Variants in FBN3 observed in about 807,000 individuals in gnomAD.
FBN3 encodes the protein fibrillin 3, also known as fibrillin-3.
In FBN3, 234 loss-of-function variants were observed where a neutral mutation model predicts 330.1. That is an observed-to-expected ratio of 0.71 (90% confidence interval 0.64 to 0.79). The LOEUF (loss-of-function observed/expected upper bound fraction) is 0.79, where lower values mean the gene tolerates loss of function less well. FBN3 is among the 30% of genes least tolerant of loss of function. FBN3 has a pLI of 0.00. For missense variants in FBN3, 3,606 were observed against 3,886.9 expected (o/e 0.93, Z 1.92); for synonymous variants, 1,458 against 1,517.3 (o/e 0.96, Z 0.91).
In FBN3 at chr19:8,118,908, G is replaced by A. The variant is rs1159079923; in HGVS notation, c.3326C>T (p.Thr1109Ile). ...PPGHELTAKG[T>I]ACEDIDECSL... Reference sequence around the variant, plus strand: ...AGATGCACACTTACCCTCACAGGCAGTGCCCTTGGCCGTCAGCTCATGCCC... The same window carrying A: ...AGATGCACACTTACCCTCACAGGCAATGCCCTTGGCCGTCAGCTCATGCCC... Residue 1109 changes from threonine to isoleucine, a missense_variant, in exon 26 of 64, where the codon ACT becomes ATT. Coordinates refer to ENST00000600128, the MANE Select transcript of FBN3 (RefSeq NM_032447.5). The A allele has an allele frequency of 1.1e-5, 18 of 1,611,160 alleles. No homozygotes were observed. The highest frequency in any genetic ancestry group is 2.7e-5 in the African/African-American group (2 of 74,888).
intron 8 of FBN3, among the ~76,000 whole-genome samples, chr19:8,140,244 A>T (rs1599442445): frequency 6.6e-6 from 1 of 152,286 alleles, no homozygotes; most frequent in Non-Finnish European, 1.5e-5. Context: ...CGGGTGGATC[A>T]CCTGAGGTCA....
intron 20 of FBN3, 42 bp downstream of exon 20, chr19:8,126,426 C>A: frequency 6.3e-7 from 1 of 1,598,956 alleles, no homozygotes; most frequent in South Asian, 1.1e-5. Context: ...CCATGGAGGG[C>A]TTTTCCCATG....
chr19:8,123,734 C>T (rs768339323), intron 23 of FBN3, 50 bp downstream of exon 23: 15 of 1,600,786 alleles, frequency 9.4e-6, no homozygotes, highest in African/African-American at 1.3e-5. Context: ...TTTGCCTATG[C>T]CGTGCCCCTC....
chr19:8,087,075 A>G lies in FBN3; in HGVS notation c.6754+2T>C. On this transcript the variant is annotated splice_donor_variant, in intron 54 of 63. Coordinates refer to ENST00000600128, the MANE Select transcript of FBN3 (RefSeq NM_032447.5). LOFTEE classifies it high-confidence loss of function. ...CACCCATGAAGCTCCAGTGCCCCAT[A>G]CCTGTGCAGCCCTCCCCAGAGCCAG... 6.2e-7 allele frequency: 1 copy of G among 1,605,932 alleles called. No individual in the cohort carries two copies. The highest frequency in any genetic ancestry group is 8.5e-7 in the Non-Finnish European group (1 of 1,178,622).
At chr19:8,081,315 T>G in intron 58 of FBN3, 43 bp downstream of exon 58, 1 of 1,570,690 alleles carries the variant, frequency 6.4e-7, no homozygotes, top group Non-Finnish European at 8.6e-7. Context: ...GGCCCTAGAC[T>G]GCATGCAGTG....
At chr19:8,137,060 T>C (rs773205703) in intron 10 of FBN3, among the ~76,000 whole-genome samples, 1 of 103,068 alleles carries the variant, frequency 9.7e-6, no homozygotes, top group Non-Finnish European at 2.0e-5. Context: ...ACCTGGGACC[T>C]GGATCCCTCC....
At chr19:8,067,643 T>G (rs1335204376) in intron 63 of FBN3, among the ~76,000 whole-genome samples, 1 of 152,016 alleles carries the variant, frequency 6.6e-6, no homozygotes, top group Non-Finnish European at 1.5e-5. Flanking sequence ...TATATATATG[T>G]TTATTAGGCA....
chr19:8,067,828 C>T (rs73001774), intron 63 of FBN3, among the ~76,000 whole-genome samples: 19,123 of 151,990 alleles, frequency 0.13, 1,440 homozygotes, highest in Non-Finnish European at 0.17. Flanking sequence ...GGCTGAGGGC[C>T]AAGGTGGACA....
intron 9 of FBN3, 43 bp downstream of exon 9, chr19:8,138,369 C>T (rs759423553): frequency 2.5e-6 from 4 of 1,610,052 alleles, no homozygotes; most frequent in Non-Finnish European, 3.4e-6. Flanking sequence ...CCTCCCCTGT[C>T]CCCTCCTCAC....
intron 47 of FBN3, among the ~76,000 whole-genome samples, chr19:8,092,440 C>A (rs1225676567): frequency 2.0e-5 from 3 of 151,978 alleles, no homozygotes; most frequent in African/African-American, 7.2e-5. Flanking sequence ...GAAATAGGCA[C>A]AGTGGCTCAC....
chr19:8,075,585 A>G (rs1174153799), intron 59 of FBN3, among the ~76,000 whole-genome samples, 174 bp from the exon 60 acceptor site: 1 of 152,222 alleles, frequency 6.6e-6, no homozygotes, highest in Non-Finnish European at 1.5e-5. Context: ...AATAGGCACC[A>G]ATGTTTGAGA....
intron 41 of FBN3, among the ~76,000 whole-genome samples, chr19:8,098,424 GGGGA>G (rs1443907228): frequency 8.5e-4 from 125 of 147,468 alleles, no homozygotes; most frequent in Non-Finnish European, 7.8e-4. Context: ...GGCATCAGTG[GGGGA>G]CTGGAAACAA....
intron 51 of FBN3, 95 bp downstream of exon 51, chr19:8,089,450 C>T: frequency 2.8e-6 from 4 of 1,419,168 alleles, no homozygotes; most frequent in Middle Eastern, 2.0e-4. Context: ...GACAGGATCT[C>T]ACCCACTGCC....
At chr19:8,118,786 CAG>C (rs2082770333) in intron 26 of FBN3, 109 bp downstream of exon 26, 2 of 1,367,292 alleles carry the variant, frequency 1.5e-6, no homozygotes, top group Non-Finnish European at 2.0e-6. Context: ...CTCAGAAAGA[CAG>C]ATACACATGC....
chr19:8,144,429 G>T (rs763522173), intron 6 of FBN3, among the ~76,000 whole-genome samples: 1 of 151,832 alleles, frequency 6.6e-6, no homozygotes, highest in African/African-American at 2.4e-5. Flanking sequence ...AATAAAGAGG[G>T]GGTTTGCCCA....
rs1281793227 is a variant in FBN3 at position 8,085,419 on chromosome 19, G to A, written c.7031C>T (p.Thr2344Ile). 7 of 1,578,010 alleles carry A rather than the reference G, an allele frequency of 4.4e-6. No individual in the cohort carries two copies. Among genetic ancestry groups the A allele is most frequent in the Non-Finnish European group, 6.0e-6 (7 of 1,164,234 alleles). ...PRCELCPLPG[T>I]SAYRKLCPHG... The stretch of plus-strand genomic sequence containing the variant: ...GGGGCACAGCTTCCTGTAGGCAGAG[G>A]TGCCGGGCAGGGGACAGAGCTCGCA... The change falls in exon 56 of 64, where the codon ACC becomes ATC. Residue 2344 changes from threonine to isoleucine, a missense_variant. Coordinates refer to ENST00000600128, the MANE Select transcript of FBN3 (RefSeq NM_032447.5).
intron 62 of FBN3, among the ~76,000 whole-genome samples, chr19:8,072,833 T>C (rs2081547218): frequency 6.6e-6 from 1 of 151,944 alleles, no homozygotes; most frequent in African/African-American, 2.4e-5. Flanking sequence ...GTGAGTGCTG[T>C]GAGGATGTGT....
intron 38 of FBN3, among the ~76,000 whole-genome samples, chr19:8,104,165 GAA>G (rs34779277): frequency 0.066 from 8,022 of 121,168 alleles, 381 homozygotes; most frequent in Admixed American, 0.18. Context: ...GACATTAAGT[GAA>G]AAAAAAAAAA....
rs1168454710 is a variant in FBN3, at chr19:8,100,941, G to A, written c.5121C>T (p.Ala1707=). 2.5e-6 allele frequency: 4 copies of A among 1,613,658 alleles called. No homozygotes were observed. The highest frequency in any genetic ancestry group is 3.3e-5 in the Admixed American group (2 of 59,956). ...PDYQILCGNQ[A]PGFLTDIHTG... ...TGTGGATGTCAGTGAGGAATCCCGG[G>A]GCCTGATTTCCACACAGGATCTGGT... Residue 1707 remains alanine (A), a synonymous_variant, in exon 41 of 64, where the codon GCC becomes GCT. Transcript: ENST00000600128.
Sources: allele counts gnomAD v4.1 joint callset (sites outside exome capture counted in the v4.1 genomes callset), GRCh38; gene constraint gnomAD v4.1.1; transcripts MANE v1.5; gene names NCBI Gene and HGNC (gene_info 2026-07-23, HGNC 2026-07-21).